The following APBB2 variants were observed in gnomAD, a reference collection of about 807,000 sequenced individuals.
APBB2 encodes the protein amyloid beta precursor protein binding family B member 2, also known as Fe65-like 1.
Under a neutral mutation model 82.5 loss-of-function variants are expected in APBB2, and 38 were observed. The observed-to-expected ratio is 0.46, with a 90% CI of 0.36 to 0.60. The LOEUF (loss-of-function observed/expected upper bound fraction) is 0.60, where lower values mean the gene tolerates loss of function less well. Ranked by LOEUF, APBB2 falls within the 20% of genes least tolerant of loss-of-function variation. The pLI, the probability that APBB2 is intolerant of heterozygous loss-of-function variation, is 0.00. For synonymous variants in APBB2, 341 were observed against 368.2 expected (o/e 0.93, Z 0.85); for missense variants, 772 against 972.3 (o/e 0.79, Z 2.74).
At chr4:41,147,539 G>A (rs1161974193) in intron 1 of APBB2, among the ~76,000 whole-genome samples, 1 of 143,754 alleles carries the variant, frequency 7.0e-6, no homozygotes, top group Admixed American at 7.2e-5. Context: ...CTCCCAGGCT[G>A]GAGTGCAGTG....
chr4:40,911,968 C>T (rs1778675612), intron 10 of APBB2, among the ~76,000 whole-genome samples: 1 of 152,192 alleles, frequency 6.6e-6, no homozygotes, highest in Non-Finnish European at 1.5e-5. Context: ...ATCGGACCGG[C>T]TAGACATGGA....
At chr4:40,963,590 C>G (rs577820300) in intron 6 of APBB2, among the ~76,000 whole-genome samples, 2 of 152,318 alleles carry the variant, frequency 1.3e-5, no homozygotes, top group Admixed American at 6.5e-5. Flanking sequence ...AAATGAAAGG[C>G]CTTTGAGAGA....
intron 4 of APBB2, among the ~76,000 whole-genome samples, chr4:41,055,381 G>A (rs555394292): frequency 3.3e-5 from 5 of 152,274 alleles, no homozygotes; most frequent in South Asian, 4.2e-4. Context: ...CTATGGGAGC[G>A]GAGACCTCAT....
At position 40,929,031 on chromosome 4, in the gene APBB2, A is replaced by G. The variant is rs537655030; in HGVS notation, c.1254+5425T>C. On this transcript the variant is annotated intron_variant, in intron 10 of 17. Transcript: ENST00000508593. ...AAAATCAGAATACAGTGTTTATTAA[A>G]AATCAGAATACAGTGTTTATTAATA... Among the ~76,000 whole-genome samples the G allele has an allele frequency of 6.6e-5, 10 of 151,238 alleles. No individual in the cohort carries two copies. In the East Asian group the frequency reaches 1.5e-3, roughly 23 times the overall value.
intron 4 of APBB2, among the ~76,000 whole-genome samples, chr4:41,059,053 G>C (rs1728813569): frequency 6.6e-6 from 1 of 151,886 alleles, no homozygotes; most frequent in Non-Finnish European, 1.5e-5. Flanking sequence ...GAACCCTGGA[G>C]AACAAAGGGT....
At chr4:40,872,639 G>A (rs1238957489) in intron 12 of APBB2, among the ~76,000 whole-genome samples, 7 of 152,138 alleles carry the variant, frequency 4.6e-5, no homozygotes, top group Admixed American at 4.6e-4. Context: ...ATCAATAGAG[G>A]AAGAAGGAGG....
intron 3 of APBB2, among the ~76,000 whole-genome samples, chr4:41,075,983 T>C (rs962993151): frequency 6.6e-6 from 1 of 152,170 alleles, no homozygotes; most frequent in Non-Finnish European, 1.5e-5. Context: ...CAGGTACATG[T>C]GATAGATTAC....
chr4:40,882,117 A>G (rs971527737), intron 12 of APBB2, among the ~76,000 whole-genome samples: 3 of 152,124 alleles, frequency 2.0e-5, no homozygotes, highest in Non-Finnish European at 4.4e-5. Flanking sequence ...CAGGCAGGAG[A>G]CAGAAACCAC....
intron 5 of APBB2, among the ~76,000 whole-genome samples, chr4:41,014,868 G>C (rs1809431332): frequency 6.6e-6 from 1 of 152,194 alleles, no homozygotes; most frequent in Non-Finnish European, 1.5e-5. Flanking sequence ...GTTCAATGAT[G>C]CTCCATACAT....
intron 11 of APBB2, chr4:40,893,032 C>CT (rs11414663): frequency 5.0e-6 from 2 of 396,616 alleles, no homozygotes; most frequent in Non-Finnish European, 8.9e-6. Flanking sequence ...GAATCTGTGT[C>CT]CTTAGCTACT....
rs779274919 is a variant in APBB2, at chr4:40,944,964, C to T, written c.945G>A (p.Thr315=). 19 of 1,613,636 alleles carry T rather than the reference C, an allele frequency of 1.2e-5. No homozygotes were observed. The highest frequency in any genetic ancestry group is 8.9e-5 in the East Asian group (4 of 44,856). ...TGGAGACGGGCCGTTCCCACTGAGT[C>T]GTTCCTGTTGGGATGTGCCAATAAT... The part of the protein sequence containing the change: ...GTYYWHIPTG[T]TQWERPVSIP... The change falls in exon 7 of 18, where the codon ACG becomes ACA. Residue 315 remains threonine, a synonymous_variant. Coordinates refer to ENST00000508593, the MANE Select transcript of APBB2 (RefSeq NM_004307.2).
At chr4:41,036,957 T>C (rs571106980) in intron 4 of APBB2, among the ~76,000 whole-genome samples, 2 of 152,292 alleles carry the variant, frequency 1.3e-5, no homozygotes, top group South Asian at 2.1e-4. Flanking sequence ...GCAAACACTA[T>C]ACAAATGATG....
At chr4:41,101,123 C>T (rs1399492445) in intron 2 of APBB2, among the ~76,000 whole-genome samples, 2 of 152,128 alleles carry the variant, frequency 1.3e-5, no homozygotes, top group African/African-American at 4.8e-5. Flanking sequence ...TTGCCAGTTC[C>T]CACTTCCAAA....
At chr4:41,203,288 G>A (rs1777161226) in intron 1 of APBB2, among the ~76,000 whole-genome samples, 1 of 152,118 alleles carries the variant, frequency 6.6e-6, no homozygotes, top group Non-Finnish European at 1.5e-5. Context: ...TAAAATTCAA[G>A]TCAGCAGGAG....
At chr4:41,049,322 C>T (rs939739453) in intron 4 of APBB2, among the ~76,000 whole-genome samples, 6 of 104,342 alleles carry the variant, frequency 5.8e-5, no homozygotes, top group Admixed American at 1.0e-4. Flanking sequence ...GCCGCCCCGT[C>T]GGAGAAGTGA....
intron 10 of APBB2, among the ~76,000 whole-genome samples, chr4:40,924,588 T>C (rs950092800): frequency 6.6e-6 from 1 of 152,014 alleles, no homozygotes; most frequent in African/African-American, 2.4e-5. Flanking sequence ...GACCACACCA[T>C]GAGAAGACCA....
intron 2 of APBB2, among the ~76,000 whole-genome samples, chr4:41,134,246 G>A (rs1756908999): frequency 6.6e-6 from 1 of 151,836 alleles, no homozygotes. Flanking sequence ...CCTCTCAAAG[G>A]GCTGGGATTA....
At chr4:40,866,409 G>A (rs1220779627) in intron 12 of APBB2, among the ~76,000 whole-genome samples, 2 of 152,084 alleles carry the variant, frequency 1.3e-5, no homozygotes, top group Non-Finnish European at 2.9e-5. Context: ...CTTACCCGAT[G>A]ATCGTTACTT....
At chr4:41,210,205 G>A (rs1442306085) in intron 1 of APBB2, among the ~76,000 whole-genome samples, 2 of 152,166 alleles carry the variant, frequency 1.3e-5, no homozygotes, top group Non-Finnish European at 2.9e-5. Context: ...GCAGGGGGCT[G>A]GGGACCCCTG....
Sources: allele counts gnomAD v4.1 joint callset (sites outside exome capture counted in the v4.1 genomes callset), GRCh38; gene constraint gnomAD v4.1.1; transcripts MANE v1.5; gene names NCBI Gene and HGNC (gene_info 2026-07-23, HGNC 2026-07-21).